The following GAS7 variants were observed in gnomAD, a reference collection of about 807,000 sequenced individuals.
The protein encoded by GAS7 is growth arrest specific 7.
GAS7 carries 28 observed loss-of-function variants against 71.1 expected under a neutral mutation model. The ratio of observed to expected loss-of-function variants is 0.39; its 90% confidence interval spans 0.29 to 0.54. GAS7 has a LOEUF of 0.54. GAS7 is among the 20% of genes least tolerant of loss of function. The pLI is 0.62. For synonymous variants in GAS7, 258 were observed against 245.8 expected (o/e 1.05, Z -0.46); for missense variants, 436 against 627.8 (o/e 0.69, Z 3.27).
chr17:10,065,238 C>T (rs1005668862), intron 1 of GAS7, among the ~76,000 whole-genome samples: 9 of 152,176 alleles, frequency 5.9e-5, no homozygotes, highest in African/African-American at 2.2e-4. Context: ...AGATTTGGTT[C>T]CTTTCTTGAG....
intron 2 of GAS7, among the ~76,000 whole-genome samples, chr17:9,991,682 G>C (rs1421793654): frequency 2.6e-5 from 4 of 152,104 alleles, no homozygotes; most frequent in African/African-American, 9.7e-5. Flanking sequence ...CCTCCTTACA[G>C]AGCGTAGACC....
At chr17:10,171,219 T>C (rs976996587) in intron 1 of GAS7, among the ~76,000 whole-genome samples, 1 of 152,118 alleles carries the variant, frequency 6.6e-6, no homozygotes, top group African/African-American at 2.4e-5. Flanking sequence ...CTTGACCGAA[T>C]TTCCTCCGGG....
At chr17:10,167,401 T>C (rs770502237) in intron 1 of GAS7, among the ~76,000 whole-genome samples, 1 of 152,136 alleles carries the variant, frequency 6.6e-6, no homozygotes, top group Non-Finnish European at 1.5e-5. Context: ...AAACTTCGGT[T>C]TTCTCATAGC....
rs2152066502 is a variant in GAS7, at chr17:9,919,050, G to A, written c.1218+576C>T. Reference sequence around the variant, plus strand: ...GGCATGATGCCTCCTGTCCCATCTGGCCCAAGTACCAGCCACACTTCACTG... The same window carrying A: ...GGCATGATGCCTCCTGTCCCATCTGACCCAAGTACCAGCCACACTTCACTG... On this transcript the variant is annotated intron_variant, in intron 12 of 13. Transcript: ENST00000432992. The surrounding 1 kb of genome is among the most constrained non-coding windows in gnomAD (Gnocchi z 5.0). Among the ~76,000 whole-genome samples the A allele has an allele frequency of 6.6e-6, 1 of 152,256 alleles. No homozygotes were observed. The highest frequency in any genetic ancestry group is 1.5e-5 in the Non-Finnish European group (1 of 68,004).
At chr17:9,950,420 GA>G (rs2152102910) in intron 5 of GAS7, among the ~76,000 whole-genome samples, 1 of 152,294 alleles carries the variant, frequency 6.6e-6, no homozygotes, top group Admixed American at 6.5e-5. Context: ...GCTGAAGCAG[GA>G]GGATCTCTTG....
At chr17:10,132,127 T>C (rs368897819) in intron 1 of GAS7, among the ~76,000 whole-genome samples, 2 of 152,336 alleles carry the variant, frequency 1.3e-5, no homozygotes, top group African/African-American at 4.8e-5. Flanking sequence ...GAGTACTGCA[T>C]GAAAATGTAC....
intron 2 of GAS7, among the ~76,000 whole-genome samples, chr17:10,008,730 T>C (rs925474465): frequency 2.6e-5 from 4 of 152,132 alleles, no homozygotes; most frequent in Non-Finnish European, 5.9e-5. Context: ...AGAAAAATAA[T>C]AAAGCCAAAA....
intron 3 of GAS7, among the ~76,000 whole-genome samples, chr17:9,979,515 C>T (rs1353801134): frequency 2.6e-5 from 4 of 152,156 alleles, no homozygotes; most frequent in East Asian, 1.9e-4. Flanking sequence ...AGCCAGGGAC[C>T]GGAGGCAGCT....
intron 1 of GAS7, among the ~76,000 whole-genome samples, chr17:10,049,662 C>A (rs1376141230): frequency 7.5e-6 from 1 of 133,040 alleles, no homozygotes; most frequent in African/African-American, 3.0e-5. Flanking sequence ...ACTCTGTCGC[C>A]CAGGCTGGAG....
chr17:9,917,883 C>G, intron 13 of GAS7, 118 bp downstream of exon 13: 1 of 699,022 alleles, frequency 1.4e-6, no homozygotes, highest in South Asian at 1.8e-5. Flanking sequence ...CACCTGCCCA[C>G]TGCCCGCCTT....
intron 2 of GAS7, among the ~76,000 whole-genome samples, chr17:10,006,680 G>GT: frequency 7.4e-6 from 1 of 136,000 alleles, no homozygotes; most frequent in Admixed American, 6.8e-5. Context: ...GAGTGCATGC[G>GT]TATTTTTTTT....
intron 1 of GAS7, among the ~76,000 whole-genome samples, chr17:10,032,121 A>AAC (rs1353154152): frequency 2.0e-5 from 3 of 151,738 alleles, no homozygotes; most frequent in Non-Finnish European, 4.4e-5. Context: ...GAAAAAAAAA[A>AAC]AAAAAAAAAC....
chr17:10,012,277 A>G (rs2071804594), intron 2 of GAS7, among the ~76,000 whole-genome samples: 1 of 152,056 alleles, frequency 6.6e-6, no homozygotes, highest in African/African-American at 2.4e-5. Flanking sequence ...CTGGCCTTCC[A>G]GTTATATTTT....
chr17:10,067,146 G>T (rs56979842), intron 1 of GAS7, among the ~76,000 whole-genome samples: 38,804 of 151,838 alleles, frequency 0.26, 5,397 homozygotes, highest in Non-Finnish European at 0.31. Flanking sequence ...TATGGGGGAG[G>T]GATGGGGTGG....
chr17:10,191,663 TCAGGAGTTCGAGAC>T (rs2074502323), intron 1 of GAS7, among the ~76,000 whole-genome samples: 1 of 147,838 alleles, frequency 6.8e-6, no homozygotes, highest in Admixed American at 6.8e-5. Context: ...AATCACAAAG[TCAGGAGTTCGAGAC>T]CAGCCTGGCC....
At chr17:10,058,451 CAAA>C (rs1303509856) in intron 1 of GAS7, among the ~76,000 whole-genome samples, 2 of 92,872 alleles carry the variant, frequency 2.2e-5, no homozygotes, top group Non-Finnish European at 2.4e-5. Context: ...GACTCCGTCT[CAAA>C]AAAAAAAAAA....
intron 5 of GAS7, chr17:9,958,812 A>G: frequency 4.7e-6 from 1 of 212,232 alleles, no homozygotes; most frequent in Non-Finnish European, 9.0e-6. Flanking sequence ...TTACTTTGAC[A>G]TCTTCCAGAA....
At chr17:10,038,606 C>T (rs1001437334) in intron 1 of GAS7, among the ~76,000 whole-genome samples, 1 of 151,454 alleles carries the variant, frequency 6.6e-6, no homozygotes. Flanking sequence ...TTCATGGCAA[C>T]ATTATTCACA....
intron 1 of GAS7, among the ~76,000 whole-genome samples, chr17:10,116,767 A>C (rs760145330): frequency 5.3e-5 from 8 of 152,158 alleles, no homozygotes; most frequent in Non-Finnish European, 8.8e-5. Flanking sequence ...GGGATACATC[A>C]GTTAACAAGA....
Sources: allele counts gnomAD v4.1 joint callset (sites outside exome capture counted in the v4.1 genomes callset), GRCh38; gene constraint gnomAD v4.1.1; non-coding constraint Gnocchi (gnomAD v3.1); transcripts MANE v1.5; gene names NCBI Gene and HGNC (gene_info 2026-07-23, HGNC 2026-07-21).